FTO: variants seen among roughly 807,000 people sequenced by gnomAD.
FTO encodes the protein alpha-ketoglutarate-dependent dioxygenase FTO.
A neutral mutation model predicts 63.9 loss-of-function variants in FTO; 47 were observed. That is an observed-to-expected ratio of 0.74 (90% CI 0.58 to 0.94). The LOEUF is 0.94. FTO is among the 40% of genes least tolerant of loss of function. The pLI is 0.00. For synonymous variants in FTO, 207 were observed against 224.4 expected (o/e 0.92, Z 0.69); for missense variants, 562 against 618.1 (o/e 0.91, Z 0.96).
At chr16:54,062,913 T>C (rs2085618936) in intron 8 of FTO, among the ~76,000 whole-genome samples, 1 of 152,170 alleles carries the variant, frequency 6.6e-6, no homozygotes, top group African/African-American at 2.4e-5. Flanking sequence ...CAGAGATCTG[T>C]CAGCAGAGAG....
intron 8 of FTO, among the ~76,000 whole-genome samples, chr16:53,965,563 G>A (rs913513627): frequency 6.6e-6 from 1 of 152,146 alleles, no homozygotes; most frequent in African/African-American, 2.4e-5. Flanking sequence ...AGCAGAAATT[G>A]CATTCTCAAC....
At chr16:53,807,645 G>A (rs140456720) in intron 1 of FTO, among the ~76,000 whole-genome samples, 139 of 152,292 alleles carry the variant, frequency 9.1e-4, no homozygotes, top group Non-Finnish European at 1.7e-3. Context: ...GTGTTTGCAA[G>A]GTGGAGACAT....
intron 8 of FTO, among the ~76,000 whole-genome samples, chr16:53,982,567 T>C (rs2083571930): frequency 6.6e-6 from 1 of 152,184 alleles, no homozygotes; most frequent in African/African-American, 2.4e-5. Flanking sequence ...CATGAACTTG[T>C]TCATGGTACT....
chr16:54,062,569 C>T (rs1282464962), intron 8 of FTO, among the ~76,000 whole-genome samples: 1 of 152,100 alleles, frequency 6.6e-6, no homozygotes, highest in Non-Finnish European at 1.5e-5. Context: ...GTAGAGACCT[C>T]GGAAGCTGCT....
chr16:53,787,565 T>C (rs1431644716), intron 1 of FTO, among the ~76,000 whole-genome samples: 1 of 152,132 alleles, frequency 6.6e-6, no homozygotes, highest in Non-Finnish European at 1.5e-5. Context: ...TTGTATTAGG[T>C]TTCAAAGGAA....
intron 7 of FTO, among the ~76,000 whole-genome samples, chr16:53,899,888 T>G (rs1171393866): frequency 6.6e-6 from 1 of 152,234 alleles, no homozygotes; most frequent in African/African-American, 2.4e-5. Flanking sequence ...GCAGAACTAT[T>G]ATTGCTTATC....
intron 1 of FTO, among the ~76,000 whole-genome samples, chr16:53,715,232 T>C (rs1304955570): frequency 6.6e-6 from 1 of 152,160 alleles, no homozygotes; most frequent in African/African-American, 2.4e-5. Flanking sequence ...CAGGGTTGTC[T>C]TTTTGTTTTA....
intron 8 of FTO, chr16:54,071,893 G>A (rs1370561020): frequency 1.3e-5 from 2 of 152,160 alleles, no homozygotes; most frequent in Non-Finnish European, 2.9e-5. Flanking sequence ...CACATCAATA[G>A]GGGAGTTTGT....
intron 7 of FTO, among the ~76,000 whole-genome samples, chr16:53,922,855 A>G (rs529148117): frequency 6.6e-6 from 1 of 152,304 alleles, no homozygotes; most frequent in Admixed American, 6.5e-5. Context: ...TGAGGGTAAT[A>G]AGAGTGTGTT....
chr16:53,722,244 T>TA (rs2076057959), intron 1 of FTO, among the ~76,000 whole-genome samples: 1 of 152,184 alleles, frequency 6.6e-6, no homozygotes, highest in Non-Finnish European at 1.5e-5. Context: ...ATATTAAATT[T>TA]TACATTTTGA....
At chr16:53,901,481 C>T (rs2081401710) in intron 7 of FTO, among the ~76,000 whole-genome samples, 1 of 152,178 alleles carries the variant, frequency 6.6e-6, no homozygotes, top group African/African-American at 2.4e-5. Context: ...CATTCATGAG[C>T]TATTTGATTT....
chr16:54,087,596 A>G (rs1296014631), intron 8 of FTO, among the ~76,000 whole-genome samples: 3 of 152,176 alleles, frequency 2.0e-5, no homozygotes, highest in East Asian at 3.9e-4. Context: ...TGAACCAACA[A>G]GTTCGAGACC....
chr16:53,747,704 C>T (rs2151559519), intron 1 of FTO, among the ~76,000 whole-genome samples: 1 of 151,904 alleles, frequency 6.6e-6, no homozygotes, highest in East Asian at 1.9e-4. Context: ...CTTTTGTTGC[C>T]TTTGTTTTTA....
At chr16:53,734,502 C>G (rs2076344567) in intron 1 of FTO, among the ~76,000 whole-genome samples, 1 of 152,160 alleles carries the variant, frequency 6.6e-6, no homozygotes, top group African/African-American at 2.4e-5. Flanking sequence ...GGTTGGGTGG[C>G]CAATATCACA....
chr16:53,803,267 C>T (rs1049525926), intron 1 of FTO, among the ~76,000 whole-genome samples: 1 of 152,214 alleles, frequency 6.6e-6, no homozygotes, highest in African/African-American at 2.4e-5. Flanking sequence ...GACATTGAGT[C>T]TAGGGCTATC....
chr16:54,056,575 C>A (rs1272617874), intron 8 of FTO, among the ~76,000 whole-genome samples: 3 of 152,218 alleles, frequency 2.0e-5, no homozygotes, highest in African/African-American at 7.2e-5. Context: ...TCTGTCTGGA[C>A]TACTCACGCT....
rs1157537575 is a variant in FTO at position 54,114,980 on chromosome 16, T to TG, written c.*3068dup. On this transcript the variant is annotated 3_prime_UTR_variant, in exon 9 of 9. Coordinates refer to ENST00000471389, the MANE Select transcript of FTO (RefSeq NM_001080432.3). ...GAGGTTTCAGGTGGGTAGAAGGAGGTGGGCAAGACCCAATAAAAAAGCAGC... is the reference window on the plus strand; with the variant it reads ...GAGGTTTCAGGTGGGTAGAAGGAGGTGGGGCAAGACCCAATAAAAAAGCAGC... The TG allele has an allele frequency of 6.6e-6, 1 of 152,028 alleles. No individual in the cohort carries two copies. Among genetic ancestry groups the TG allele is most frequent in the Non-Finnish European group, 1.5e-5 (1 of 68,058 alleles). 9.4% of individuals were successfully genotyped at this position (152,028 alleles called of 1,614,324 possible).
At chr16:53,783,476 C>A (rs550694955) in intron 1 of FTO, among the ~76,000 whole-genome samples, 1 of 152,044 alleles carries the variant, frequency 6.6e-6, no homozygotes, top group South Asian at 2.1e-4. Context: ...GGCGTGGTGG[C>A]GGGCGCCTGT....
intron 1 of FTO, among the ~76,000 whole-genome samples, chr16:53,794,396 T>C (rs1441466390): frequency 6.6e-6 from 1 of 152,148 alleles, no homozygotes; most frequent in Non-Finnish European, 1.5e-5. Flanking sequence ...GAAAGCTAAC[T>C]AAACATAAAG....
Sources: gnomAD v4.1 joint callset for allele counts (sites outside exome capture counted in the v4.1 genomes callset) on GRCh38, gnomAD v4.1.1 for gene constraint, MANE v1.5 for transcripts, NCBI Gene and HGNC (gene_info 2026-07-23, HGNC 2026-07-21) for gene names.